Variants in COL5A2 observed in about 807,000 individuals in gnomAD.
The protein encoded by COL5A2 is collagen alpha-2(V) chain.
In COL5A2, 23 loss-of-function variants were observed where a neutral mutation model predicts 208.2. That is an observed-to-expected ratio of 0.11 (90% CI 0.08 to 0.16). COL5A2 has a LOEUF of 0.16. Among genes scored for constraint, COL5A2 ranks in the 10% least tolerant of loss-of-function variants. The probability of loss-of-function intolerance (pLI) is 1.00; values close to 1 mark genes in which losing one functional copy is unlikely to be tolerated. For synonymous variants in COL5A2, 625 were observed against 628.5 expected (o/e 0.99, Z 0.08); for missense variants, 1,590 against 1,956.4 (o/e 0.81, Z 3.53).
intron 1 of COL5A2, among the ~76,000 whole-genome samples, chr2:189,169,936 C>T (rs1288458443): frequency 6.6e-6 from 1 of 152,194 alleles, no homozygotes; most frequent in Non-Finnish European, 1.5e-5. Context: ...AGGCTGTTCT[C>T]AAACTCCTGA....
chr2:189,395,773 T>A, the COL5A2 span, among the ~76,000 whole-genome samples: 1 of 151,418 alleles, frequency 6.6e-6, no homozygotes, highest in African/African-American at 2.4e-5. Context: ...CCAGGTGTGA[T>A]GGCAGGTACC....
At chr2:189,136,930 C>T (rs140212740) in intron 1 of COL5A2, among the ~76,000 whole-genome samples, 98 of 152,248 alleles carry the variant, frequency 6.4e-4, no homozygotes, top group African/African-American at 2.2e-3. Context: ...ATTTTAACTG[C>T]TGATGGCCCA....
intron 1 of COL5A2, among the ~76,000 whole-genome samples, chr2:189,195,254 C>G (rs1688985221): frequency 6.6e-6 from 1 of 152,088 alleles, no homozygotes; most frequent in African/African-American, 2.4e-5. Flanking sequence ...ATACAGCTAA[C>G]AAATAATCAG....
At chr2:189,276,989 A>C in the COL5A2 span, among the ~76,000 whole-genome samples, 1 of 152,160 alleles carries the variant, frequency 6.6e-6, no homozygotes, top group Non-Finnish European at 1.5e-5. Flanking sequence ...GCCTAAATTG[A>C]TATTTGGAGT....
Position 189,097,362 on chromosome 2 carries a change from A to T in COL5A2, c.403-32T>A, listed in dbSNP as rs545347704. 58 of 1,607,344 alleles carry T rather than the reference A, an allele frequency of 3.6e-5. No individual in the cohort carries two copies. The African/African-American group carries it at 7.1e-4, about 20-fold the overall frequency. ...CAGAAAATGATGATTATGCATGCAA[A>T]AATGTATACTTTCTTATTGAATTTT... On this transcript the variant is annotated intron_variant, in intron 5 of 53. Transcript: ENST00000374866.
the COL5A2 span, among the ~76,000 whole-genome samples, chr2:189,258,582 T>C: frequency 3.3e-5 from 5 of 152,150 alleles, no homozygotes; most frequent in Admixed American, 6.5e-5. Flanking sequence ...GCTGAAAAAA[T>C]GCACTATGCA....
At chr2:189,320,429 A>G in the COL5A2 span, among the ~76,000 whole-genome samples, 1 of 152,196 alleles carries the variant, frequency 6.6e-6, no homozygotes, top group Non-Finnish European at 1.5e-5. Flanking sequence ...AAAAGATTAC[A>G]CGAATGGCTA....
intron 1 of COL5A2, among the ~76,000 whole-genome samples, chr2:189,185,821 A>G (rs1241691918): frequency 2.6e-5 from 4 of 152,196 alleles, no homozygotes; most frequent in African/African-American, 7.2e-5. Context: ...TGATTGAATG[A>G]CCGTGAGACA....
At chr2:189,044,418 A>G (rs1183061945) in intron 47 of COL5A2, among the ~76,000 whole-genome samples, 1 of 152,194 alleles carries the variant, frequency 6.6e-6, no homozygotes, top group Admixed American at 6.5e-5. Context: ...CCAAAGTTTC[A>G]TAATTAAAAC....
chr2:189,388,656 T>A, the COL5A2 span, among the ~76,000 whole-genome samples: 1 of 152,228 alleles, frequency 6.6e-6, no homozygotes, highest in African/African-American at 2.4e-5. Flanking sequence ...TGCAGTCATA[T>A]AGGGTTTAAG....
chr2:189,038,689 T>C (rs7562299), intron 51 of COL5A2, among the ~76,000 whole-genome samples: 108,500 of 150,102 alleles, frequency 0.72, 39,777 homozygotes, highest in Non-Finnish European at 0.82. Context: ...CTTGTCAGTA[T>C]CTGTTTTGTG....
At chr2:189,408,081 T>G in the COL5A2 span, among the ~76,000 whole-genome samples, 1 of 152,166 alleles carries the variant, frequency 6.6e-6, no homozygotes, top group Non-Finnish European at 1.5e-5. Context: ...CCTAGATTTG[T>G]GTGTTTGATT....
intron 35 of COL5A2, among the ~76,000 whole-genome samples, chr2:189,055,523 A>C (rs1685884414): frequency 6.6e-6 from 1 of 152,250 alleles, no homozygotes; most frequent in African/African-American, 2.4e-5. Flanking sequence ...CAAGAACATA[A>C]GAAATCTGTG....
At chr2:189,089,438 G>A (rs767803944) in intron 7 of COL5A2, among the ~76,000 whole-genome samples, 7 of 152,134 alleles carry the variant, frequency 4.6e-5, no homozygotes, top group Non-Finnish European at 8.8e-5. Context: ...AAGAATGTGT[G>A]TACTGTTTAT....
intron 30 of COL5A2, 132 bp from the exon 31 acceptor site, chr2:189,060,915 A>T: frequency 1.5e-6 from 1 of 677,370 alleles, no homozygotes; most frequent in Non-Finnish European, 2.6e-6. Context: ...TTGTTCAGAC[A>T]TTTTAAGTAA....
In COL5A2 at chr2:189,033,881, T is replaced by C; in HGVS notation, c.*189A>G. The C allele has an allele frequency of 1.4e-6, 1 of 711,502 alleles. No individual in the cohort carries two copies. The highest frequency in any genetic ancestry group is 1.8e-5 in the South Asian group (1 of 55,988). 44.1% of individuals were successfully genotyped at this position (711,502 alleles called of 1,614,324 possible). A position where few individuals can be genotyped will look rare whatever the true frequency, so the allele number is the denominator to read the frequency against. On this transcript the variant is annotated 3_prime_UTR_variant, in exon 54 of 54. Coordinates refer to ENST00000374866, the MANE Select transcript of COL5A2 (RefSeq NM_000393.5). ...AAAATATTTAAAATCAATTAAAACT[T>C]GAGGATTGTAAGTAAAATAAATATT...
In COL5A2 at chr2:189,099,038, C is replaced by T. The variant is rs141185549; in HGVS notation, c.370-279G>A. Among the ~76,000 whole-genome samples, 660 of 152,278 alleles carry T rather than the reference C, an allele frequency of 4.3e-3. 5 individuals carry two copies. The highest frequency in any genetic ancestry group is 6.8e-3 in the Middle Eastern group (2 of 294). On this transcript the variant is annotated intron_variant, in intron 4 of 53. Coordinates refer to ENST00000374866, the MANE Select transcript of COL5A2 (RefSeq NM_000393.5). ...ACACTACCCTTTACCAGATGTGTGA[C>T]TTTGGACTAATTACTTATCCTCTCT...
At chr2:189,203,048 G>A (rs1340675539) in intron 1 of COL5A2, among the ~76,000 whole-genome samples, 1 of 152,094 alleles carries the variant, frequency 6.6e-6, no homozygotes, top group Non-Finnish European at 1.5e-5. Context: ...CATTGGCACA[G>A]ATAAAATGTA....
chr2:189,327,439 TAGAG>T, the COL5A2 span, among the ~76,000 whole-genome samples: 3 of 151,498 alleles, frequency 2.0e-5, no homozygotes, highest in African/African-American at 7.3e-5. Context: ...AAGACAGAAT[TAGAG>T]AGAAAGGGAA....
Sources: gnomAD v4.1 joint callset for allele counts (sites outside exome capture counted in the v4.1 genomes callset) on GRCh38, gnomAD v4.1.1 for gene constraint, MANE v1.5 for transcripts, NCBI Gene and HGNC (gene_info 2026-07-23, HGNC 2026-07-21) for gene names.